TBK1: variants seen among roughly 807,000 people sequenced by gnomAD.
TBK1 encodes TANK binding kinase 1, also known as serine/threonine-protein kinase TBK1.
A neutral mutation model predicts 99.9 loss-of-function variants in TBK1; 37 were observed. The observed-to-expected ratio is 0.37, with a 90% CI of 0.28 to 0.49. TBK1 has a LOEUF of 0.49. Among genes scored for constraint, TBK1 ranks in the 20% least tolerant of loss-of-function variants. The pLI, the probability that TBK1 is intolerant of heterozygous loss-of-function variation, is 0.98. For missense variants in TBK1, 644 were observed against 872.5 expected, an observed-to-expected ratio of 0.74 and a Z score of 3.30; for synonymous variants, 258 against 279.8, an observed-to-expected ratio of 0.92 and a Z score of 0.78.
intron 6 of TBK1, among the ~76,000 whole-genome samples, chr12:64,478,399 C>G (rs1281964518): frequency 6.6e-6 from 1 of 152,314 alleles, no homozygotes; most frequent in South Asian, 2.1e-4. Context: ...ATCTGCCCCC[C>G]GCCTTGGTCT....
chr12:64,462,039 G>C (rs571696033), intron 3 of TBK1, among the ~76,000 whole-genome samples: 3 of 152,288 alleles, frequency 2.0e-5, no homozygotes, highest in Non-Finnish European at 4.4e-5. Flanking sequence ...TTTTACTGAG[G>C]CTGGATCATT....
intron 3 of TBK1, among the ~76,000 whole-genome samples, chr12:64,463,698 CAA>C (rs58483035): frequency 6.2e-5 from 8 of 128,090 alleles, no homozygotes; most frequent in Admixed American, 8.0e-5. Flanking sequence ...GACTCTGTCT[CAA>C]AAAAAAAAAA....
chr12:64,477,720 T>C (rs1387078238), intron 6 of TBK1, among the ~76,000 whole-genome samples: 1 of 152,174 alleles, frequency 6.6e-6, no homozygotes, highest in Non-Finnish European at 1.5e-5. Flanking sequence ...GGCATCCTTG[T>C]CTTGTCTCAG....
At chr12:64,484,633 TC>T in intron 9 of TBK1, 134 bp downstream of exon 9, 1 of 790,892 alleles carries the variant, frequency 1.3e-6, no homozygotes, top group Non-Finnish European at 1.9e-6. Flanking sequence ...GCACCTGTAG[TC>T]CCAGCTGCAT....
intron 2 of TBK1, among the ~76,000 whole-genome samples, chr12:64,459,305 T>C (rs967037147): frequency 4.6e-5 from 7 of 152,182 alleles, no homozygotes; most frequent in African/African-American, 1.7e-4. Flanking sequence ...ATTAGAGTGA[T>C]TGGAAGGAAG....
intron 20 of TBK1, among the ~76,000 whole-genome samples, chr12:64,499,236 G>T (rs966011627): frequency 6.6e-6 from 1 of 151,226 alleles, no homozygotes; most frequent in African/African-American, 2.4e-5. Flanking sequence ...GTAGAGCTGG[G>T]GTTTCACCAT....
In TBK1 at chr12:64,475,996, C is replaced by G. The variant is rs147581950; in HGVS notation, c.701+1606C>G. Among the ~76,000 whole-genome samples the G allele has an allele frequency of 5.3e-4, 81 of 152,030 alleles. 1 individual carries two copies. Among genetic ancestry groups the G allele is most frequent in the East Asian group, 5.2e-3 (27 of 5,176 alleles). ...TCCCACCAATAGTGTATAATTATTC[C>G]CTTTTCTCCACAACCTCACCAGCAT... On this transcript the variant is annotated intron_variant, in intron 6 of 20. Transcript: ENST00000331710.
At chr12:64,469,373 C>T (rs2040638796) in intron 5 of TBK1, among the ~76,000 whole-genome samples, 1 of 152,072 alleles carries the variant, frequency 6.6e-6, no homozygotes. Flanking sequence ...CACCCCCTTC[C>T]TGCTCCTTTC....
chr12:64,497,360 C>T, intron 18 of TBK1, 101 bp downstream of exon 18: 2 of 856,712 alleles, frequency 2.3e-6, no homozygotes, highest in South Asian at 2.2e-5. Flanking sequence ...CATTCAGTTC[C>T]ACCCACCAAT....
At position 64,484,294 on chromosome 12, in the gene TBK1, C is replaced by A; in HGVS notation, c.993-9C>A. 1 of 1,575,146 alleles carries A rather than the reference C, an allele frequency of 6.3e-7. No individual in the cohort carries two copies. The highest frequency in any genetic ancestry group is 1.2e-5 in the South Asian group (1 of 85,830). ...AGTTATAGTGTCCTTTTGAATTTTT[C>A]TCACACAGTGCTACTATATTTCATG... On this transcript the variant is annotated splice_polypyrimidine_tract_variant and intron_variant, in intron 8 of 20. Transcript: ENST00000331710.
In TBK1 at chr12:64,496,387, C is replaced by A; in HGVS notation, c.1741C>A (p.Gln581Lys). The change falls in exon 16 of 21, where the codon CAA becomes AAA. Residue 581 changes from glutamine to lysine, a missense_variant. Physicochemically the swap from Gln to Lys is moderately conservative, Grantham distance 53. Transcript: ENST00000331710. Reference protein sequence around the residue: ...AERRLAYNEEQIHKFDKQKLY... With the variant: ...AERRLAYNEEKIHKFDKQKLY... ...TCTAGGATTAGCTTATAATGAAGAACAAATCCACAAATTTGATAAGTAAGT... is the reference window on the plus strand; with the variant it reads ...TCTAGGATTAGCTTATAATGAAGAAAAAATCCACAAATTTGATAAGTAAGT... The A allele has an allele frequency of 1.6e-6, 2 of 1,239,908 alleles. No homozygotes were observed. Among genetic ancestry groups the A allele is most frequent in the African/African-American group, 1.5e-5 (1 of 64,792 alleles). 76.8% of individuals were successfully genotyped at this position (1,239,908 alleles called of 1,614,324 possible).
chr12:64,501,534 AT>A lies in TBK1; in HGVS notation c.*154del, dbSNP rs1346095820. On this transcript the variant is annotated 3_prime_UTR_variant, in exon 21 of 21. Coordinates refer to ENST00000331710, the MANE Select transcript of TBK1 (RefSeq NM_013254.4). ...GTACAATATTGTAAATACATAAAAA[AT>A]ATACAAATTTTTGGCTGCTGTGAAG... The A allele has an allele frequency of 1.3e-5, 9 of 719,818 alleles. No homozygotes were observed. The East Asian group carries it at 2.7e-4, about 21-fold the overall frequency. 44.6% of individuals were successfully genotyped at this position (719,818 alleles called of 1,614,324 possible). A position where few individuals can be genotyped will look rare whatever the true frequency, so the allele number is the denominator to read the frequency against.
intron 20 of TBK1, among the ~76,000 whole-genome samples, chr12:64,499,340 C>T (rs1303836894): frequency 2.0e-5 from 3 of 152,036 alleles, no homozygotes; most frequent in Admixed American, 6.6e-5. Context: ...CCACCGCACC[C>T]GGCCAATTTT....
chr12:64,486,096 A>G, intron 11 of TBK1, 79 bp downstream of exon 11: 1 of 938,652 alleles, frequency 1.1e-6, no homozygotes, highest in Non-Finnish European at 1.6e-6. Flanking sequence ...TCTTCAAACT[A>G]GTTAGGTTAG....
intron 2 of TBK1, 114 bp downstream of exon 2, chr12:64,456,071 A>G (rs1592350962): frequency 1.3e-6 from 1 of 787,916 alleles, no homozygotes; most frequent in East Asian, 2.7e-5. Flanking sequence ...GTCTGAAGAA[A>G]TTGTTTTAAT....
At position 64,475,528 on chromosome 12, in the gene TBK1, C is replaced by T. The variant is rs555091254; in HGVS notation, c.701+1138C>T. ...TACAAGAATTGATTTCTGGGATTGG[C>T]GAGACAATATGATGGGCTCCACAGC... is the stretch of plus-strand genomic sequence containing the variant. On this transcript the variant is annotated intron_variant, in intron 6 of 20. Transcript: ENST00000331710. Among the ~76,000 whole-genome samples the T allele has an allele frequency of 6.5e-4, 99 of 152,140 alleles. 1 individual carries two copies. Among genetic ancestry groups the T allele is most frequent in the Non-Finnish European group, 1.1e-3 (78 of 68,008 alleles).
intron 6 of TBK1, 88 bp downstream of exon 6, chr12:64,474,478 T>C: frequency 7.9e-7 from 1 of 1,265,856 alleles, no homozygotes; most frequent in Non-Finnish European, 1.1e-6. Flanking sequence ...TTTATGCTAA[T>C]AAAAATTGAT....
At position 64,488,003 on chromosome 12, in the gene TBK1, A is replaced by C. The variant is rs144071633; in HGVS notation, c.1341-484A>C. On this transcript the variant is annotated intron_variant, in intron 11 of 20. Coordinates refer to ENST00000331710, the MANE Select transcript of TBK1 (RefSeq NM_013254.4). The stretch of plus-strand genomic sequence containing the variant: ...GGAAATACTCATTGGAACATTTTGG[A>C]TTCTCAGATTAGGGATGCTTAACCA... Among the ~76,000 whole-genome samples the C allele has an allele frequency of 1.2e-4, 19 of 152,366 alleles. No homozygotes were observed. The East Asian group carries it at 3.5e-3, about 28-fold the overall frequency.
intron 2 of TBK1, among the ~76,000 whole-genome samples, chr12:64,459,527 A>G (rs2136056064): frequency 6.6e-6 from 1 of 152,160 alleles, no homozygotes; most frequent in Middle Eastern, 3.4e-3. Context: ...AAATGCCTTT[A>G]CTCCTCTAGA....
Sources: allele counts gnomAD v4.1 joint callset (sites outside exome capture counted in the v4.1 genomes callset), GRCh38; gene constraint gnomAD v4.1.1; transcripts MANE v1.5; gene names NCBI Gene and HGNC (gene_info 2026-07-23, HGNC 2026-07-21).